Variants in IQGAP2 observed in about 807,000 individuals in gnomAD.
IQGAP2 encodes the protein ras GTPase-activating-like protein IQGAP2.
In IQGAP2, 173 loss-of-function variants were observed where a neutral mutation model predicts 201.3. The ratio of observed to expected loss-of-function variants is 0.86; its 90% confidence interval spans 0.76 to 0.98. IQGAP2 has a LOEUF of 0.98. IQGAP2 is among the 50% of genes least tolerant of loss of function. The probability of loss-of-function intolerance (pLI) is 0.00; values close to 1 mark genes in which losing one functional copy is unlikely to be tolerated. For synonymous variants in IQGAP2, 675 were observed against 673.9 expected (o/e 1.00, Z -0.03); for missense variants, 1,687 against 1,864.8 (o/e 0.90, Z 1.76).
At chr5:76,682,466 T>TAAA (rs113958575) in intron 28 of IQGAP2, among the ~76,000 whole-genome samples, 1 of 138,276 alleles carries the variant, frequency 7.2e-6, no homozygotes. Flanking sequence ...TTGTTTAAAT[T>TAAA]AAAAAAAAAA....
In IQGAP2 at chr5:76,654,267, AT is replaced by A; in HGVS notation, c.2247del (p.His750IlefsTer6). 2 of 1,602,254 alleles carry A rather than the reference AT, an allele frequency of 1.2e-6. No individual in the cohort carries two copies. The highest frequency in any genetic ancestry group is 2.2e-5 in the South Asian group (2 of 89,632). On this transcript the variant is annotated frameshift_variant, in exon 19 of 36. Coordinates refer to ENST00000274364, the MANE Select transcript of IQGAP2 (RefSeq NM_006633.5). LOFTEE classifies it high-confidence loss of function. ...CTTTCAAGACTACAGTATTTCAGAG[AT>A]CATGTAAGAAAAATGCCTGTGGGAT... The part of the protein sequence containing the change: ...SYLSRLQYFR[D>X]HNNEIVKIQS...
At chr5:76,618,359 C>T in intron 13 of IQGAP2, 2 of 1,614,198 alleles carry the variant, frequency 1.2e-6, no homozygotes, top group Non-Finnish European at 1.7e-6. Context: ...AAAGCATCCA[C>T]AGGGTCACAG....
intron 17 of IQGAP2, among the ~76,000 whole-genome samples, chr5:76,648,342 G>A (rs1752245937): frequency 6.6e-6 from 1 of 152,126 alleles, no homozygotes. Context: ...CCACCTCCTA[G>A]TAATGAGGCA....
intron 13 of IQGAP2, among the ~76,000 whole-genome samples, chr5:76,615,177 C>G (rs1017446082): frequency 1.3e-5 from 2 of 152,304 alleles, no homozygotes; most frequent in African/African-American, 4.8e-5. Context: ...GAGTTATACT[C>G]CACCAAAAAG....
chr5:76,551,922 C>T (rs1018755868), intron 2 of IQGAP2, among the ~76,000 whole-genome samples: 11 of 150,040 alleles, frequency 7.3e-5, no homozygotes, highest in African/African-American at 1.5e-4. Flanking sequence ...AGAGGACTGG[C>T]AGAATTTCTT....
chr5:76,602,886 T>C (rs1561498851), intron 11 of IQGAP2, among the ~76,000 whole-genome samples: 1 of 152,334 alleles, frequency 6.6e-6, no homozygotes, highest in East Asian at 1.9e-4. Context: ...TCTCTCCCTG[T>C]TCACCGTGGC....
chr5:76,541,632 A>G (rs1278171480), intron 2 of IQGAP2, among the ~76,000 whole-genome samples: 1 of 152,230 alleles, frequency 6.6e-6, no homozygotes, highest in Non-Finnish European at 1.5e-5. Flanking sequence ...GCCCCATCTT[A>G]CATTCCCACT....
intron 16 of IQGAP2, among the ~76,000 whole-genome samples, chr5:76,639,555 C>T (rs1340479805): frequency 6.6e-6 from 1 of 152,080 alleles, no homozygotes; most frequent in African/African-American, 2.4e-5. Flanking sequence ...GATAATGGAT[C>T]CACGCGTCAT....
intron 27 of IQGAP2, among the ~76,000 whole-genome samples, chr5:76,676,292 A>G (rs900342074): frequency 6.6e-6 from 1 of 152,184 alleles, no homozygotes; most frequent in Non-Finnish European, 1.5e-5. Context: ...TGTTTCTCAG[A>G]AATCTACAAA....
chr5:76,647,070 CT>C (rs1305142630), intron 17 of IQGAP2, among the ~76,000 whole-genome samples: 1 of 151,966 alleles, frequency 6.6e-6, no homozygotes, highest in African/African-American at 2.4e-5. Context: ...TTCACATAGC[CT>C]TAATAATATA....
intron 13 of IQGAP2, among the ~76,000 whole-genome samples, chr5:76,624,759 AG>A (rs938815795): frequency 6.6e-6 from 1 of 152,210 alleles, no homozygotes; most frequent in Non-Finnish European, 1.5e-5. Context: ...TATTATTTTC[AG>A]TCTTCTGGTG....
Position 76,707,531 on chromosome 5 carries a change from C to T in IQGAP2, c.*218C>T. 1 of 518,730 alleles carries T rather than the reference C, an allele frequency of 1.9e-6. No homozygotes were observed. The highest frequency in any genetic ancestry group is 3.4e-6 in the Non-Finnish European group (1 of 292,710). The allele number at this position is 518,730 out of a possible 1,614,324, so 32.1% of individuals were successfully genotyped here. A position where few individuals can be genotyped will look rare whatever the true frequency, so the allele number is the denominator to read the frequency against. On this transcript the variant is annotated 3_prime_UTR_variant, in exon 36 of 36. Coordinates refer to ENST00000274364, the MANE Select transcript of IQGAP2 (RefSeq NM_006633.5). ...AAATGAATTAATGGAAACATATCCA[C>T]ACTGTACTGTGATATAGGTACTCTG...
chr5:76,702,938 G>A (rs1747539576), intron 35 of IQGAP2, among the ~76,000 whole-genome samples: 1 of 144,738 alleles, frequency 6.9e-6, no homozygotes, highest in African/African-American at 2.6e-5. Flanking sequence ...CTAAGACTAT[G>A]TATGCCCAGG....
At chr5:76,508,354 A>G (rs778074011) in intron 2 of IQGAP2, among the ~76,000 whole-genome samples, 8 of 152,152 alleles carry the variant, frequency 5.3e-5, no homozygotes, top group Non-Finnish European at 1.2e-4. Context: ...ATACCTCACC[A>G]AAGAAGATAT....
chr5:76,695,968 G>A (rs1000831031), intron 32 of IQGAP2, among the ~76,000 whole-genome samples: 2 of 149,958 alleles, frequency 1.3e-5, no homozygotes, highest in Non-Finnish European at 2.9e-5. Flanking sequence ...AGCCTCCTGA[G>A]TAGCTGGGAC....
At chr5:76,631,654 AC>A (rs1439213739) in intron 14 of IQGAP2, among the ~76,000 whole-genome samples, 1 of 152,102 alleles carries the variant, frequency 6.6e-6, no homozygotes, top group East Asian at 1.9e-4. Flanking sequence ...TTTTTAATAA[AC>A]CATACTCCCA....
chr5:76,662,701 A>T (rs548146512), intron 21 of IQGAP2, among the ~76,000 whole-genome samples: 8 of 152,334 alleles, frequency 5.3e-5, no homozygotes, highest in African/African-American at 1.4e-4. Flanking sequence ...AGGACTTCTT[A>T]TAGATAAGGA....
intron 2 of IQGAP2, among the ~76,000 whole-genome samples, chr5:76,537,110 GA>G (rs1203429728): frequency 6.6e-6 from 1 of 152,106 alleles, no homozygotes; most frequent in African/African-American, 2.4e-5. Context: ...TACGTTTCTA[GA>G]AAAAAGATCT....
intron 2 of IQGAP2, among the ~76,000 whole-genome samples, chr5:76,557,208 C>T (rs1408961866): frequency 1.3e-5 from 2 of 152,200 alleles, no homozygotes; most frequent in Non-Finnish European, 2.9e-5. Context: ...GGAGCAGAGG[C>T]TGGCCCCTGT....
Sources: gnomAD v4.1 joint callset for allele counts (sites outside exome capture counted in the v4.1 genomes callset) on GRCh38, gnomAD v4.1.1 for gene constraint, MANE v1.5 for transcripts, NCBI Gene and HGNC (gene_info 2026-07-23, HGNC 2026-07-21) for gene names.